Variants in SPATA17 observed in about 807,000 individuals in gnomAD.
The protein encoded by SPATA17 is spermatogenesis associated 17.
A neutral mutation model predicts 62.2 loss-of-function variants in SPATA17; 53 were observed. That is an observed-to-expected ratio of 0.85 (90% confidence interval 0.68 to 1.07). The LOEUF is 1.07. SPATA17 is among the 50% of genes least tolerant of loss of function. SPATA17 has a pLI of 0.00. For missense variants in SPATA17, 466 were observed against 425.5 expected, an observed-to-expected ratio of 1.10 and a Z score of -0.84; for synonymous variants, 146 against 146.8, an observed-to-expected ratio of 0.99 and a Z score of 0.04.
intron 6 of SPATA17, among the ~76,000 whole-genome samples, chr1:217,763,587 T>A (rs1259443924): frequency 6.6e-6 from 1 of 152,218 alleles, no homozygotes; most frequent in Non-Finnish European, 1.5e-5. Flanking sequence ...AATGACAGCT[T>A]TTTATTAAGG....
chr1:217,669,628 A>G (rs943834067), intron 4 of SPATA17, among the ~76,000 whole-genome samples: 8 of 152,186 alleles, frequency 5.3e-5, no homozygotes, highest in Non-Finnish European at 1.2e-4. Flanking sequence ...ACATAACAAA[A>G]ATATTATTTC....
intron 9 of SPATA17, among the ~76,000 whole-genome samples, chr1:217,815,413 C>T (rs1674689115): frequency 6.6e-6 from 1 of 152,138 alleles, no homozygotes; most frequent in Non-Finnish European, 1.5e-5. Flanking sequence ...AGGTAGGCCC[C>T]TATCAAACCA....
At chr1:217,676,248 T>G (rs912475166) in intron 4 of SPATA17, among the ~76,000 whole-genome samples, 1 of 152,160 alleles carries the variant, frequency 6.6e-6, no homozygotes, top group African/African-American at 2.4e-5. Context: ...TAAGCCTAGA[T>G]GAAACACCCT....
intron 5 of SPATA17, among the ~76,000 whole-genome samples, chr1:217,684,975 C>T (rs972805159): frequency 6.6e-5 from 10 of 152,094 alleles, no homozygotes; most frequent in South Asian, 4.2e-4. Flanking sequence ...AGGATTTAGT[C>T]GATTGGAGAA....
intron 8 of SPATA17, among the ~76,000 whole-genome samples, chr1:217,796,790 G>A (rs867523423): frequency 1.3e-4 from 20 of 152,202 alleles, no homozygotes; most frequent in Middle Eastern, 3.4e-3. Context: ...TCATACTAAT[G>A]AGCTATATAT....
chr1:217,641,927 A>ATCT (rs1321419230), intron 1 of SPATA17, among the ~76,000 whole-genome samples: 1 of 152,164 alleles, frequency 6.6e-6, no homozygotes, highest in Non-Finnish European at 1.5e-5. Context: ...CTCTTTAGTT[A>ATCT]TCTTTAATAT....
chr1:217,653,369 G>A (rs1023765934), intron 3 of SPATA17, among the ~76,000 whole-genome samples: 3 of 152,102 alleles, frequency 2.0e-5, no homozygotes, highest in Admixed American at 2.0e-4. Flanking sequence ...TGTAGATATT[G>A]GATTCACCAT....
At chr1:217,718,940 G>T (rs1672065288) in intron 5 of SPATA17, among the ~76,000 whole-genome samples, 1 of 152,174 alleles carries the variant, frequency 6.6e-6, no homozygotes, top group African/African-American at 2.4e-5. Context: ...AAACTGTCTA[G>T]ACCAGATTCT....
intron 5 of SPATA17, among the ~76,000 whole-genome samples, chr1:217,704,199 T>A (rs1376490260): frequency 6.7e-6 from 1 of 150,344 alleles, no homozygotes; most frequent in Non-Finnish European, 1.5e-5. Flanking sequence ...CGGGTAGGTT[T>A]TTTTATCCTA....
intron 5 of SPATA17, among the ~76,000 whole-genome samples, chr1:217,714,488 C>CTTTTGTTTTTTTTTTTTTTTTTTTTT (rs1671952559): frequency 8.2e-6 from 1 of 121,432 alleles, no homozygotes; most frequent in East Asian, 2.3e-4. Flanking sequence ...AAACGTGTTT[C>CTTTTGTTTTTTTTTTTTTTTTTTTTT]TTTTTTTTTT....
At chr1:217,683,714 A>G (rs992978757) in intron 5 of SPATA17, among the ~76,000 whole-genome samples, 12 of 152,308 alleles carry the variant, frequency 7.9e-5, no homozygotes, top group African/African-American at 2.6e-4. Context: ...TGCTTGGATC[A>G]CAGGCGTGAG....
At chr1:217,765,306 C>A (rs534221074) in intron 6 of SPATA17, among the ~76,000 whole-genome samples, 2 of 151,206 alleles carry the variant, frequency 1.3e-5, no homozygotes, top group African/African-American at 4.8e-5. Context: ...TTTTCTTCTG[C>A]TTGCCTTGGA....
At chr1:217,719,734 A>T (rs1338245129) in intron 5 of SPATA17, among the ~76,000 whole-genome samples, 2 of 152,236 alleles carry the variant, frequency 1.3e-5, no homozygotes, top group Non-Finnish European at 2.9e-5. Flanking sequence ...TATTGGGAGA[A>T]GTTACCACCT....
At chr1:217,809,620 G>C (rs560043427) in intron 9 of SPATA17, among the ~76,000 whole-genome samples, 21 of 152,216 alleles carry the variant, frequency 1.4e-4, no homozygotes, top group African/African-American at 4.6e-4. Flanking sequence ...ATCCTCATAA[G>C]AATCTAATCT....
intron 5 of SPATA17, among the ~76,000 whole-genome samples, chr1:217,708,534 T>A (rs1432682130): frequency 6.6e-6 from 1 of 151,970 alleles, no homozygotes; most frequent in Non-Finnish European, 1.5e-5. Flanking sequence ...AGACCAATAA[T>A]GAGTTCCAAA....
chr1:217,782,852 T>G (rs140484270), intron 8 of SPATA17, among the ~76,000 whole-genome samples: 1 of 151,944 alleles, frequency 6.6e-6, no homozygotes, highest in Non-Finnish European at 1.5e-5. Flanking sequence ...ATTTGGGTCT[T>G]AATTCAGACA....
At chr1:217,752,698 TA>T (rs1362882333) in intron 6 of SPATA17, among the ~76,000 whole-genome samples, 3 of 152,196 alleles carry the variant, frequency 2.0e-5, no homozygotes, top group African/African-American at 7.2e-5. Flanking sequence ...ATTTATGATT[TA>T]CACATCTGAA....
intron 4 of SPATA17, among the ~76,000 whole-genome samples, chr1:217,674,979 G>T (rs540198679): frequency 6.6e-6 from 1 of 152,254 alleles, no homozygotes; most frequent in East Asian, 1.9e-4. Context: ...ATTGGGAAAG[G>T]GTAGGCAAAC....
At chr1:217,669,747 C>A (rs548469617) in intron 4 of SPATA17, among the ~76,000 whole-genome samples, 8 of 152,174 alleles carry the variant, frequency 5.3e-5, no homozygotes, top group African/African-American at 1.9e-4. Context: ...GCCTTATATT[C>A]TTTTTCATTA....
Sources: allele counts gnomAD v4.1 joint callset (sites outside exome capture counted in the v4.1 genomes callset), GRCh38; gene constraint gnomAD v4.1.1; transcripts MANE v1.5; gene names NCBI Gene and HGNC (gene_info 2026-07-23, HGNC 2026-07-21).